Variants in RASEF observed in about 807,000 individuals in gnomAD.
RASEF encodes the protein ras and EF-hand domain-containing protein.
RASEF carries 68 observed loss-of-function variants against 90.1 expected under a neutral mutation model. That is an observed-to-expected ratio of 0.75 (90% CI 0.62 to 0.92). The LOEUF (loss-of-function observed/expected upper bound fraction) is 0.92. RASEF is among the 40% of genes least tolerant of loss of function. RASEF has a pLI of 0.00. For missense variants in RASEF, 949 were observed against 937.2 expected (o/e 1.01, Z -0.16); for synonymous variants, 331 against 345.2 (o/e 0.96, Z 0.46).
At chr9:83,104,517 C>T in the RASEF span, among the ~76,000 whole-genome samples, 1 of 152,138 alleles carries the variant, frequency 6.6e-6, no homozygotes, top group Admixed American at 6.5e-5. Flanking sequence ...AACCACAGAG[C>T]ACTCAATAAC....
At chr9:83,008,676 A>T (rs1829176052) in intron 6 of RASEF, among the ~76,000 whole-genome samples, 1 of 151,820 alleles carries the variant, frequency 6.6e-6, no homozygotes, top group Non-Finnish European at 1.5e-5. Context: ...CCCAGCACAG[A>T]GCTATCTTTC....
intron 1 of RASEF, among the ~76,000 whole-genome samples, chr9:83,042,453 T>C (rs1378765424): frequency 2.6e-5 from 4 of 152,208 alleles, no homozygotes; most frequent in Non-Finnish European, 5.9e-5. Context: ...TGCCCACTCC[T>C]GGCTGGGCAC....
the RASEF span, chr9:83,201,163 ACCAGGCTGCTGTAC>A: frequency 0.014 from 2,139 of 152,384 alleles, 40 homozygotes; most frequent in African/African-American, 0.047. Context: ...AGCAAGTCAG[ACCAGGCTGCTGTAC>A]CCTGGCTGTT....
the RASEF span, among the ~76,000 whole-genome samples, chr9:83,178,903 C>T: frequency 2.6e-5 from 4 of 152,114 alleles, no homozygotes; most frequent in South Asian, 2.1e-4. Flanking sequence ...TTCCATATTC[C>T]GCTACTGCCA....
At chr9:83,183,197 T>G in the RASEF span, among the ~76,000 whole-genome samples, 1 of 38,212 alleles carries the variant, frequency 2.6e-5, no homozygotes, top group African/African-American at 1.4e-4. Flanking sequence ...TCAATAAAGT[T>G]TAAAAAGAAA....
chr9:83,011,551 A>C (rs895576383), intron 5 of RASEF, among the ~76,000 whole-genome samples: 3 of 58,738 alleles, frequency 5.1e-5, no homozygotes, highest in African/African-American at 2.7e-4. Context: ...ACTCCATCTC[A>C]AAAAAAAAAA....
At chr9:82,990,251 C>CACATATTT (rs1828787890) in intron 16 of RASEF, 140 bp downstream of exon 16, 1 of 573,238 alleles carries the variant, frequency 1.7e-6, no homozygotes, top group Non-Finnish European at 3.1e-6. Context: ...TTATAATATC[C>CACATATTT]ACATATTTAT....
the RASEF span, among the ~76,000 whole-genome samples, chr9:83,094,870 A>G: frequency 5.3e-5 from 8 of 152,352 alleles, no homozygotes; most frequent in East Asian, 1.5e-3. Flanking sequence ...ACACCCTGGT[A>G]GTGATTCTTA....
At chr9:83,011,261 G>A (rs117764992) in intron 5 of RASEF, among the ~76,000 whole-genome samples, 1,595 of 152,188 alleles carry the variant, frequency 0.01, 25 homozygotes, top group South Asian at 0.076. Context: ...AGTCCAATAA[G>A]AACTGAAATT....
the RASEF span, among the ~76,000 whole-genome samples, chr9:83,149,162 A>G: frequency 6.6e-6 from 1 of 152,224 alleles, no homozygotes; most frequent in Non-Finnish European, 1.5e-5. Flanking sequence ...GCCTGCTCCC[A>G]GGTGTCCTCT....
the RASEF span, among the ~76,000 whole-genome samples, chr9:83,115,883 C>A: frequency 1.3e-5 from 2 of 149,098 alleles, no homozygotes; most frequent in Non-Finnish European, 3.0e-5. Flanking sequence ...TGCTAAATTG[C>A]TAAAAAAAAA....
At chr9:83,137,965 T>C in the RASEF span, among the ~76,000 whole-genome samples, 1 of 151,934 alleles carries the variant, frequency 6.6e-6, no homozygotes, top group Non-Finnish European at 1.5e-5. Flanking sequence ...AACTTGAACT[T>C]TACCCTCAGA....
chr9:83,074,340 A>G, the RASEF span, among the ~76,000 whole-genome samples: 1 of 152,238 alleles, frequency 6.6e-6, no homozygotes, highest in Non-Finnish European at 1.5e-5. Context: ...CTGTTTCTCA[A>G]AGGAGAAAGG....
At chr9:83,102,609 G>A in the RASEF span, among the ~76,000 whole-genome samples, 6 of 152,140 alleles carry the variant, frequency 3.9e-5, no homozygotes, top group Non-Finnish European at 7.3e-5. Flanking sequence ...GGCTACACAC[G>A]AGTTCAGGCA....
intron 1 of RASEF, among the ~76,000 whole-genome samples, chr9:83,056,706 A>G (rs910092861): frequency 2.0e-5 from 3 of 152,260 alleles, no homozygotes; most frequent in African/African-American, 7.2e-5. Flanking sequence ...TCACAAGTTC[A>G]GGTTTGAGGA....
At chr9:83,095,100 A>T in the RASEF span, among the ~76,000 whole-genome samples, 5 of 152,176 alleles carry the variant, frequency 3.3e-5, no homozygotes, top group African/African-American at 1.2e-4. Flanking sequence ...CTACCTGGGG[A>T]GGAAGAAAGA....
At chr9:83,101,029 T>C in the RASEF span, among the ~76,000 whole-genome samples, 6 of 152,196 alleles carry the variant, frequency 3.9e-5, no homozygotes, top group African/African-American at 1.4e-4. Flanking sequence ...TATTTCTTTT[T>C]TTGAGTAGTC....
chr9:83,099,207 C>G, the RASEF span, among the ~76,000 whole-genome samples: 1 of 152,132 alleles, frequency 6.6e-6, no homozygotes, highest in South Asian at 2.1e-4. Context: ...CATATATATA[C>G]TTATGCTCTC....
chr9:83,104,775 T>A, the RASEF span, among the ~76,000 whole-genome samples: 5 of 152,202 alleles, frequency 3.3e-5, no homozygotes, highest in African/African-American at 1.2e-4. Context: ...CAATATAGCC[T>A]ACAATTATGT....
Sources: gnomAD v4.1 joint callset for allele counts (sites outside exome capture counted in the v4.1 genomes callset) on GRCh38, gnomAD v4.1.1 for gene constraint, MANE v1.5 for transcripts, NCBI Gene and HGNC (gene_info 2026-07-23, HGNC 2026-07-21) for gene names.